The following LMX1A variants were observed in gnomAD, a reference collection of about 807,000 sequenced individuals.
LMX1A encodes the protein LIM homeobox transcription factor 1-alpha.
In LMX1A, 15 loss-of-function variants were observed where a neutral mutation model predicts 49.1. The observed-to-expected ratio is 0.31, with a 90% CI of 0.20 to 0.47. The LOEUF (loss-of-function observed/expected upper bound fraction) is 0.47, where lower values mean the gene tolerates loss of function less well. LMX1A is among the 20% of genes least tolerant of loss of function. LMX1A has a pLI of 1.00. For synonymous variants in LMX1A, 167 were observed against 185.7 expected (o/e 0.90, Z 0.82); for missense variants, 372 against 475.8 (o/e 0.78, Z 2.03).
intron 3 of LMX1A, among the ~76,000 whole-genome samples, chr1:165,284,581 A>C (rs953120271): frequency 6.6e-6 from 1 of 152,244 alleles, no homozygotes; most frequent in Non-Finnish European, 1.5e-5. Flanking sequence ...CGCTGGGAAC[A>C]ACCACAGTCT....
At chr1:165,280,577 C>T (rs1330796953) in intron 3 of LMX1A, among the ~76,000 whole-genome samples, 1 of 152,176 alleles carries the variant, frequency 6.6e-6, no homozygotes, top group Admixed American at 6.5e-5. Flanking sequence ...TTTGGCTTTG[C>T]GACCATCACT....
chr1:165,208,715 C>T (rs1270524326), intron 6 of LMX1A, among the ~76,000 whole-genome samples: 1 of 151,380 alleles, frequency 6.6e-6, no homozygotes, highest in Non-Finnish European at 1.5e-5. Context: ...GGCGCGATCT[C>T]GGCTCACTGC....
intron 6 of LMX1A, among the ~76,000 whole-genome samples, chr1:165,210,457 A>G (rs567082787): frequency 2.8e-4 from 42 of 152,368 alleles, no homozygotes; most frequent in African/African-American, 9.4e-4. Context: ...ATGGCTGGCC[A>G]AAACCACAGT....
intron 3 of LMX1A, among the ~76,000 whole-genome samples, chr1:165,302,207 G>A (rs1192614594): frequency 3.2e-5 from 3 of 93,802 alleles, no homozygotes; most frequent in African/African-American, 1.0e-4. Context: ...GGAGGCCGGT[G>A]GGGGGCGGGG....
chr1:165,233,617 C>T (rs1409310395), intron 4 of LMX1A, among the ~76,000 whole-genome samples: 3 of 152,226 alleles, frequency 2.0e-5, no homozygotes, highest in Non-Finnish European at 2.9e-5. Flanking sequence ...CAGCATGCCC[C>T]ACCCGAATTT....
intron 3 of LMX1A, among the ~76,000 whole-genome samples, chr1:165,283,392 A>G (rs186614823): frequency 2.6e-5 from 4 of 152,362 alleles, no homozygotes; most frequent in African/African-American, 7.2e-5. Context: ...CCCAGTCATT[A>G]AGTAACACAT....
intron 3 of LMX1A, among the ~76,000 whole-genome samples, chr1:165,274,467 G>C (rs2101698953): frequency 6.6e-6 from 1 of 152,294 alleles, no homozygotes; most frequent in South Asian, 2.1e-4. Context: ...GGATTGAATT[G>C]AACTAATTTG....
At chr1:165,292,061 C>CAAAAAAAAAAAAAAAAAAAAAA (rs771664986) in intron 3 of LMX1A, among the ~76,000 whole-genome samples, 1 of 82,534 alleles carries the variant, frequency 1.2e-5, no homozygotes, top group Admixed American at 1.6e-4. Flanking sequence ...AACTCCGTCT[C>CAAAAAAAAAAAAAAAAAAAAAA]AAAAAAAAAA....
chr1:165,321,556 A>T (rs1383591606), intron 3 of LMX1A, among the ~76,000 whole-genome samples: 1 of 152,210 alleles, frequency 6.6e-6, no homozygotes, highest in Non-Finnish European at 1.5e-5. Flanking sequence ...CTGCCATCAA[A>T]TAATTTCTAC....
intron 3 of LMX1A, among the ~76,000 whole-genome samples, chr1:165,337,715 G>A (rs554957896): frequency 6.6e-6 from 1 of 152,220 alleles, no homozygotes; most frequent in Admixed American, 6.5e-5. Context: ...TTTACCTCTT[G>A]GTGCCCCTGA....
At chr1:165,354,233 T>C (rs1423764428) in intron 2 of LMX1A, among the ~76,000 whole-genome samples, 1 of 152,164 alleles carries the variant, frequency 6.6e-6, no homozygotes, top group Non-Finnish European at 1.5e-5. Flanking sequence ...GGCTGCACTC[T>C]TCTCATTCTC....
At chr1:165,257,351 C>T (rs888525756) in intron 3 of LMX1A, among the ~76,000 whole-genome samples, 4 of 151,910 alleles carry the variant, frequency 2.6e-5, no homozygotes, top group Admixed American at 6.5e-5. Flanking sequence ...GCAGCCTCAG[C>T]TCATGAGGGG....
At chr1:165,272,118 C>G (rs1653813578) in intron 3 of LMX1A, among the ~76,000 whole-genome samples, 1 of 151,840 alleles carries the variant, frequency 6.6e-6, no homozygotes, top group Non-Finnish European at 1.5e-5. Context: ...AGGAAGGGCT[C>G]AGGGCCCCAG....
At chr1:165,271,622 T>C (rs1653795487) in intron 3 of LMX1A, among the ~76,000 whole-genome samples, 1 of 151,570 alleles carries the variant, frequency 6.6e-6, no homozygotes, top group Admixed American at 6.6e-5. Flanking sequence ...AGAGCACAGG[T>C]CTTGGGCAGT....
intron 3 of LMX1A, among the ~76,000 whole-genome samples, chr1:165,266,095 A>C (rs529554014): frequency 6.6e-6 from 1 of 152,218 alleles, no homozygotes; most frequent in African/African-American, 2.4e-5. Context: ...CAGTAAACAC[A>C]CTAGGGGAAA....
intron 3 of LMX1A, among the ~76,000 whole-genome samples, chr1:165,300,947 A>T (rs984737998): frequency 6.6e-6 from 1 of 152,180 alleles, no homozygotes; most frequent in Non-Finnish European, 1.5e-5. Context: ...GGGCTAGAGG[A>T]TCTGAGGGCC....
At chr1:165,228,660 G>C (rs1181819878) in intron 4 of LMX1A, among the ~76,000 whole-genome samples, 1 of 152,104 alleles carries the variant, frequency 6.6e-6, no homozygotes, top group African/African-American at 2.4e-5. Flanking sequence ...TATCTTCCTT[G>C]AACCTAGCTT....
At chr1:165,250,183 G>A (rs554669331) in intron 3 of LMX1A, among the ~76,000 whole-genome samples, 3 of 152,020 alleles carry the variant, frequency 2.0e-5, no homozygotes, top group Admixed American at 6.5e-5. Context: ...CATGGCACAC[G>A]TTTACCTAGG....
chr1:165,232,449 T>C (rs1482866154), intron 4 of LMX1A, among the ~76,000 whole-genome samples: 6 of 152,176 alleles, frequency 3.9e-5, no homozygotes, highest in Admixed American at 3.3e-4. Context: ...GCATACAGCA[T>C]TCTGGAGAGC....
Sources: gnomAD v4.1 joint callset for allele counts (sites outside exome capture counted in the v4.1 genomes callset) on GRCh38, gnomAD v4.1.1 for gene constraint, MANE v1.5 for transcripts, NCBI Gene and HGNC (gene_info 2026-07-23, HGNC 2026-07-21) for gene names.